IFIH1: variants seen among roughly 807,000 people sequenced by gnomAD.
The protein encoded by IFIH1 is interferon induced with helicase C domain 1, also known as interferon-induced helicase C domain-containing protein 1.
IFIH1 carries 125 observed loss-of-function variants against 107.4 expected under a neutral mutation model. The ratio of observed to expected loss-of-function variants is 1.16; its 90% CI spans 1.01 to 1.35. The LOEUF (loss-of-function observed/expected upper bound fraction) is 1.35, where lower values mean the gene tolerates loss of function less well. Among genes scored for constraint, IFIH1 ranks in the 40% most tolerant of loss-of-function variants. IFIH1 has a pLI of 0.00. For missense variants in IFIH1, 1,333 were observed against 1,213.7 expected, an observed-to-expected ratio of 1.10 and a Z score of -1.46; for synonymous variants, 458 against 413.2, an observed-to-expected ratio of 1.11 and a Z score of -1.31.
chr2:162,303,977 G>C (rs1315040363), intron 3 of IFIH1, among the ~76,000 whole-genome samples: 1 of 152,050 alleles, frequency 6.6e-6, no homozygotes, highest in Non-Finnish European at 1.5e-5. Context: ...AGCTTGTAAA[G>C]GACATTTATT....
At chr2:162,278,086 CAG>C in intron 9 of IFIH1, 117 bp downstream of exon 9, 1 of 823,690 alleles carries the variant, frequency 1.2e-6, no homozygotes, top group East Asian at 2.6e-5. Flanking sequence ...ACAGAGAACA[CAG>C]AAATTCTATT....
intron 3 of IFIH1, among the ~76,000 whole-genome samples, chr2:162,298,447 G>C (rs751295749): frequency 2.6e-5 from 4 of 152,140 alleles, no homozygotes; most frequent in Non-Finnish European, 5.9e-5. Flanking sequence ...GTGGTGACAA[G>C]GTCTTTAGTC....
chr2:162,313,160 ATCT>A (rs1432180732), intron 1 of IFIH1, among the ~76,000 whole-genome samples: 1 of 152,200 alleles, frequency 6.6e-6, no homozygotes, highest in Non-Finnish European at 1.5e-5. Flanking sequence ...TTTTTAAGAA[ATCT>A]TCTCAGTTTT....
At chr2:162,267,695 C>T (rs970830091) in intron 14 of IFIH1, 126 bp from the exon 15 acceptor site, 94 of 702,554 alleles carry the variant, frequency 1.3e-4, no homozygotes, top group African/African-American at 1.3e-3. Flanking sequence ...TCCTTCCTTC[C>T]CTCCTGCTTC....
At chr2:162,313,912 T>C (rs896412055) in intron 1 of IFIH1, among the ~76,000 whole-genome samples, 12 of 152,148 alleles carry the variant, frequency 7.9e-5, no homozygotes, top group Non-Finnish European at 1.3e-4. Flanking sequence ...CAACTTCATG[T>C]TGGGAGAACT....
At position 162,282,593 on chromosome 2, in the gene IFIH1, G is replaced by A; in HGVS notation, c.1096-17C>T. 6.4e-7 allele frequency: 1 copy of A among 1,552,642 alleles called. No individual in the cohort carries two copies. Among genetic ancestry groups the A allele is most frequent in the Non-Finnish European group, 8.8e-7 (1 of 1,136,434 alleles). On this transcript the variant is annotated splice_polypyrimidine_tract_variant and intron_variant, in intron 5 of 15. Coordinates refer to ENST00000649979, the MANE Select transcript of IFIH1 (RefSeq NM_022168.4). ...TAGCAGTACCTTAAAAAAATGTGAAGATTTTTTAAAAGAGAGAAAGTTAGT... is the reference window on the plus strand; with the variant it reads ...TAGCAGTACCTTAAAAAAATGTGAAAATTTTTTAAAAGAGAGAAAGTTAGT...
Position 162,294,037 on chromosome 2 carries a change from C to A in IFIH1, c.770-369G>T, listed in dbSNP as rs13405796. On this transcript the variant is annotated intron_variant, in intron 3 of 15. Transcript: ENST00000649979. ...TAAACAAAAAATAATACATAGAAACCTTTGAGGTCTTTTCATTTAAAATGA... is the reference window on the plus strand; with the variant it reads ...TAAACAAAAAATAATACATAGAAACATTTGAGGTCTTTTCATTTAAAATGA... 2.7e-3 allele frequency among the ~76,000 whole-genome samples: 409 copies of A among 151,852 alleles called. 3 individuals are homozygous for A. The highest frequency in any genetic ancestry group is 9.6e-3 in the African/African-American group (398 of 41,456).
chr2:162,267,181 A>C lies in IFIH1; in HGVS notation c.*19T>G. ...AAATGTTTAACTGATAGTATTTTAAAAGAATCTTCAATCAAGTGCTAATCC... is the reference window on the plus strand; with the variant it reads ...AAATGTTTAACTGATAGTATTTTAACAGAATCTTCAATCAAGTGCTAATCC... On this transcript the variant is annotated 3_prime_UTR_variant, in exon 16 of 16. Coordinates refer to ENST00000649979, the MANE Select transcript of IFIH1 (RefSeq NM_022168.4). 3 of 1,520,892 alleles carry C rather than the reference A, an allele frequency of 2.0e-6. No homozygotes were observed. Among genetic ancestry groups the C allele is most frequent in the Non-Finnish European group, 2.7e-6 (3 of 1,125,410 alleles). 94.2% of individuals were successfully genotyped at this position (1,520,892 alleles called of 1,614,324 possible).
intron 3 of IFIH1, among the ~76,000 whole-genome samples, chr2:162,306,237 A>C (rs989385958): frequency 2.6e-5 from 4 of 152,230 alleles, no homozygotes; most frequent in African/African-American, 9.6e-5. Flanking sequence ...AATTCAAGCC[A>C]ACCCTAGTTC....
At chr2:162,285,725 T>C (rs995499179) in intron 5 of IFIH1, among the ~76,000 whole-genome samples, 1 of 151,874 alleles carries the variant, frequency 6.6e-6, no homozygotes, top group Non-Finnish European at 1.5e-5. Flanking sequence ...TCCAATGCAA[T>C]GAAAGATTCC....
chr2:162,293,137 T>G (rs961834890), intron 4 of IFIH1, among the ~76,000 whole-genome samples: 1 of 151,972 alleles, frequency 6.6e-6, no homozygotes, highest in Non-Finnish European at 1.5e-5. Flanking sequence ...TACTTACATA[T>G]GTAATTTCTA....
chr2:162,313,395 G>A (rs975533425), intron 1 of IFIH1, among the ~76,000 whole-genome samples: 8 of 152,130 alleles, frequency 5.3e-5, no homozygotes, highest in Non-Finnish European at 4.4e-5. Flanking sequence ...GTTAAAAATG[G>A]ATGGATGTTT....
intron 6 of IFIH1, 106 bp from the exon 7 acceptor site, chr2:162,281,651 C>T (rs1368606278): frequency 1.6e-5 from 12 of 746,498 alleles, no homozygotes; most frequent in Non-Finnish European, 2.7e-5. Flanking sequence ...TTCTCTTGGG[C>T]ACGACACAAG....
chr2:162,275,277 C>T lies in IFIH1; in HGVS notation c.2305-1333G>A, dbSNP rs1576223452. Among the ~76,000 whole-genome samples the T allele has an allele frequency of 2.0e-5, 3 of 152,244 alleles. 1 individual carries two copies. In the South Asian group the frequency reaches 6.2e-4, roughly 32 times the overall value. ...GAGCAGAAAGTAGCTTGAACATAGGCTTTTCATTTGCACTCTACCTCTTTT... is the reference window on the plus strand; with the variant it reads ...GAGCAGAAAGTAGCTTGAACATAGGTTTTTCATTTGCACTCTACCTCTTTT... On this transcript the variant is annotated intron_variant, in intron 11 of 15. Coordinates refer to ENST00000649979, the MANE Select transcript of IFIH1 (RefSeq NM_022168.4).
intron 10 of IFIH1, among the ~76,000 whole-genome samples, 163 bp downstream of exon 10, chr2:162,277,252 A>C (rs1021643536): frequency 6.6e-6 from 1 of 152,190 alleles, no homozygotes; most frequent in Non-Finnish European, 1.5e-5. Context: ...CTGTGATCAT[A>C]CAACTGGTAG....
intron 3 of IFIH1, among the ~76,000 whole-genome samples, chr2:162,305,631 T>C (rs1047702680): frequency 6.6e-6 from 1 of 151,972 alleles, no homozygotes; most frequent in Admixed American, 6.5e-5. Context: ...AACTTTGCAG[T>C]GGTGTGCTAG....
intron 3 of IFIH1, among the ~76,000 whole-genome samples, chr2:162,296,685 C>T (rs1341655184): frequency 6.6e-6 from 1 of 152,112 alleles, no homozygotes. Context: ...CATTTCTATC[C>T]ATCTTGAAAC....
At chr2:162,268,544 A>G (rs1285375125) in intron 13 of IFIH1, among the ~76,000 whole-genome samples, 1 of 152,184 alleles carries the variant, frequency 6.6e-6, no homozygotes, top group Non-Finnish European at 1.5e-5. Flanking sequence ...AGTCCTTAGC[A>G]ATATTCAACA....
rs146400109 is a variant in IFIH1, at chr2:162,277,812, G to A, written c.1766-119C>T. ...CTGGCTTCACCTTGGTTTTAAAATGGGCAAGTTAAGGCTCAAAATGTGTCC... is the reference window on the plus strand; with the variant it reads ...CTGGCTTCACCTTGGTTTTAAAATGAGCAAGTTAAGGCTCAAAATGTGTCC... On this transcript the variant is annotated intron_variant, in intron 9 of 15. Transcript: ENST00000649979. The A allele has an allele frequency of 8.3e-4, 976 of 1,172,526 alleles. 8 individuals are homozygous for A. The African/African-American group carries it at 0.013, about 16-fold the overall frequency. 72.6% of individuals were successfully genotyped at this position (1,172,526 alleles called of 1,614,324 possible).
Sources: gnomAD v4.1 joint callset for allele counts (sites outside exome capture counted in the v4.1 genomes callset) on GRCh38, gnomAD v4.1.1 for gene constraint, MANE v1.5 for transcripts, NCBI Gene and HGNC (gene_info 2026-07-23, HGNC 2026-07-21) for gene names.